The following PACS2 variants were observed in gnomAD, a reference collection of about 807,000 sequenced individuals.
The protein encoded by PACS2 is phosphofurin acidic cluster sorting protein 2.
PACS2 carries 36 observed loss-of-function variants against 113.0 expected under a neutral mutation model. The ratio of observed to expected loss-of-function variants is 0.32; its 90% CI spans 0.24 to 0.42. PACS2 has a LOEUF of 0.42. Among genes scored for constraint, PACS2 ranks in the 10% least tolerant of loss-of-function variants. PACS2 has a pLI of 1.00. For missense variants in PACS2, 1,015 were observed against 1,239.5 expected, an observed-to-expected ratio of 0.82 and a Z score of 2.72; for synonymous variants, 589 against 536.1, an observed-to-expected ratio of 1.10 and a Z score of -1.36.
In PACS2 at chr14:105,394,583, G is replaced by A. The variant is rs1254094658; in HGVS notation, c.2626G>A (p.Val876Ile). 23 of 1,613,176 alleles carry A rather than the reference G, an allele frequency of 1.4e-5. No homozygotes were observed. Among genetic ancestry groups the A allele is most frequent in the African/African-American group, 2.7e-5 (2 of 74,932 alleles). The change falls in exon 25 of 25, where the codon GTC becomes ATC. Residue 876 changes from valine (V) to isoleucine (I), a missense_variant. Val to Ile is a conservative substitution (Grantham distance 29, BLOSUM62 3). Coordinates refer to ENST00000447393, the MANE Select transcript of PACS2 (RefSeq NM_001100913.3). ...CATCGACGGCGTGGAGTGCAGCGACGTCAAGTTCTTCCAGCTGGCCGCGCA... is the reference window on the plus strand; with the variant it reads ...CATCGACGGCGTGGAGTGCAGCGACATCAAGTTCTTCCAGCTGGCCGCGCA... ...VLIDGVECSD[V>I]KFFQLAAQWS...
chr14:105,370,601 C>A (rs1724046287), intron 8 of PACS2: 1 of 152,258 alleles, frequency 6.6e-6, no homozygotes, highest in Non-Finnish European at 1.5e-5. Flanking sequence ...GTAGTCCCAG[C>A]TACTTGGGAG....
chr14:105,375,672 G>A (rs1391671264), intron 8 of PACS2, among the ~76,000 whole-genome samples: 1 of 152,196 alleles, frequency 6.6e-6, no homozygotes, highest in Admixed American at 6.5e-5. Context: ...ACAGGGTGAG[G>A]TGTAACAGCA....
chr14:105,347,479 T>G (rs1321300881), intron 1 of PACS2, among the ~76,000 whole-genome samples: 1 of 152,064 alleles, frequency 6.6e-6, no homozygotes, highest in Non-Finnish European at 1.5e-5. Context: ...TGTTCTGGTG[T>G]TTTACATTCA....
Position 105,389,905 on chromosome 14 carries a change from C to G in PACS2, c.2034-56C>G. On this transcript the variant is annotated intron_variant, in intron 19 of 24. Coordinates refer to ENST00000447393, the MANE Select transcript of PACS2 (RefSeq NM_001100913.3). ...TCTCAGGCCAAGAGGGAGCTGTGCC[C>G]ACCAGGCGGGGCTGTGCCCTGAGGA... The G allele has an allele frequency of 3.3e-6, 5 of 1,507,088 alleles. No homozygotes were observed. In the South Asian group the frequency reaches 5.6e-5, roughly 17 times the overall value. The allele number at this position is 1,507,088 out of a possible 1,614,324, so 93.4% of individuals were successfully genotyped here. A position where few individuals can be genotyped will look rare whatever the true frequency, so the allele number is the denominator to read the frequency against.
intron 1 of PACS2, among the ~76,000 whole-genome samples, chr14:105,345,885 C>T (rs982739779): frequency 3.3e-5 from 5 of 152,186 alleles, no homozygotes; most frequent in Admixed American, 6.5e-5. Context: ...GGAACCAGGA[C>T]GAGGGTCCCT....
chr14:105,355,952 C>T lies in PACS2; in HGVS notation c.423+775C>T, dbSNP rs1555405261. Among the ~76,000 whole-genome samples the T allele has an allele frequency of 1.3e-5, 2 of 152,178 alleles. No individual in the cohort carries two copies. The highest frequency in any genetic ancestry group is 1.3e-4 in the Admixed American group (2 of 15,278). On this transcript the variant is annotated intron_variant, in intron 4 of 24. Transcript: ENST00000447393. This position sits in a 1 kb window ranked among gnomAD's most constrained non-coding sequence, Gnocchi z 4.1. ...ACTTTCCCCATCGTGGGGTTGTGTT[C>T]AGGGGTCCAGGGGCTGCGGGCGTGA...
intron 1 of PACS2, among the ~76,000 whole-genome samples, chr14:105,331,245 G>A (rs1001989584): frequency 2.0e-5 from 3 of 152,156 alleles, no homozygotes; most frequent in Non-Finnish European, 4.4e-5. Flanking sequence ...ATGAGCCACC[G>A]TGCCCAGCCT....
chr14:105,367,646 C>A (rs1489319975), intron 5 of PACS2, among the ~76,000 whole-genome samples: 1 of 152,250 alleles, frequency 6.6e-6, no homozygotes, highest in African/African-American at 2.4e-5. Context: ...GGTGTGGGGT[C>A]GCACTGTGAT....
chr14:105,343,174 G>T (rs1489681236), intron 1 of PACS2, among the ~76,000 whole-genome samples: 8 of 152,158 alleles, frequency 5.3e-5, no homozygotes, highest in Admixed American at 5.2e-4. Flanking sequence ...TGACACGGGC[G>T]TCTCTCACTC....
In PACS2 at chr14:105,348,251, G is replaced by A. The variant is rs1222001727; in HGVS notation, c.120-242G>A. Among the ~76,000 whole-genome samples the A allele has an allele frequency of 3.9e-5, 6 of 152,196 alleles. No individual in the cohort carries two copies. The highest frequency in any genetic ancestry group is 8.8e-5 in the Non-Finnish European group (6 of 68,022). On this transcript the variant is annotated intron_variant, in intron 1 of 24. Coordinates refer to ENST00000447393, the MANE Select transcript of PACS2 (RefSeq NM_001100913.3). The surrounding 1 kb of genome is among the most constrained non-coding windows in gnomAD (Gnocchi z 6.4). ...ATGGGAGGGAGGCTCACCCTCAGGG[G>A]CCTTCAGGAGATGGGACCTCTGGCC...
Position 105,348,758 on chromosome 14 carries a change from T to TCC in PACS2, c.207+180_207+181dup, listed in dbSNP as rs1282958401. ...CAGGATGCTCCTGGGTCCAGTCCTG[T>TCC]CCCGCACAAGGGAGGCAGGCCCGGC... On this transcript the variant is annotated intron_variant, in intron 2 of 24. Coordinates refer to ENST00000447393, the MANE Select transcript of PACS2 (RefSeq NM_001100913.3). This position sits in a 1 kb window ranked among gnomAD's most constrained non-coding sequence, Gnocchi z 6.4. 8 of 600,072 alleles carry TCC rather than the reference T, an allele frequency of 1.3e-5. No homozygotes were observed. The highest frequency in any genetic ancestry group is 3.7e-5 in the African/African-American group (2 of 53,374). The allele number at this position is 600,072 out of a possible 1,614,324, so 37.2% of individuals were successfully genotyped here. A position where few individuals can be genotyped will look rare whatever the true frequency, so the allele number is the denominator to read the frequency against.
chr14:105,318,474 A>C (rs932557335), intron 1 of PACS2, among the ~76,000 whole-genome samples: 2 of 151,824 alleles, frequency 1.3e-5, no homozygotes, highest in Admixed American at 6.6e-5. Context: ...TGTTTTTTTG[A>C]GACAGAGTCT....
rs1447645615 is a variant in PACS2, at chr14:105,365,341, G to GCA, written c.424-1872_424-1871insCA. Among the ~76,000 whole-genome samples the GCA allele has an allele frequency of 6.6e-6, 1 of 152,212 alleles. No individual in the cohort carries two copies. Among genetic ancestry groups the GCA allele is most frequent in the Non-Finnish European group, 1.5e-5 (1 of 68,020 alleles). On this transcript the variant is annotated intron_variant, in intron 4 of 24. Transcript: ENST00000447393. The surrounding 1 kb of genome is among the most constrained non-coding windows in gnomAD (Gnocchi z 5.1). The stretch of plus-strand genomic sequence containing the variant: ...GGAGGAGAGGAACATGCAGCCTGGA[G>GCA]TGTCGGGGCCTGGGACTTCCAGGGC...
At chr14:105,318,584 G>A (rs984313950) in intron 1 of PACS2, among the ~76,000 whole-genome samples, 2 of 151,864 alleles carry the variant, frequency 1.3e-5, no homozygotes, top group Non-Finnish European at 2.9e-5. Context: ...CAAGTAGCTA[G>A]GACTACAGGC....
chr14:105,322,758 A>G (rs1566901574), intron 1 of PACS2, among the ~76,000 whole-genome samples: 1 of 152,166 alleles, frequency 6.6e-6, no homozygotes, highest in African/African-American at 2.4e-5. Context: ...GTGATATTTG[A>G]TGAGCTTCAA....
intron 4 of PACS2, among the ~76,000 whole-genome samples, chr14:105,363,520 C>T (rs1237523476): frequency 6.6e-6 from 1 of 152,224 alleles, no homozygotes; most frequent in Non-Finnish European, 1.5e-5. Context: ...CTGCAGCCTC[C>T]TCGCCTCTCT....
intron 19 of PACS2, chr14:105,389,697 A>G (rs1325002360): frequency 2.1e-5 from 11 of 531,082 alleles, no homozygotes; most frequent in Non-Finnish European, 3.8e-5. Flanking sequence ...CCTCCTGACC[A>G]TGGGTGCACA....
At chr14:105,333,807 G>A (rs587601184) in intron 1 of PACS2, among the ~76,000 whole-genome samples, 1 of 152,350 alleles carries the variant, frequency 6.6e-6, no homozygotes, top group East Asian at 1.9e-4. Context: ...CCATGGCAGG[G>A]CTGCCCAGGA....
At chr14:105,320,422 T>A (rs1409716138) in intron 1 of PACS2, among the ~76,000 whole-genome samples, 1 of 152,128 alleles carries the variant, frequency 6.6e-6, no homozygotes, top group Non-Finnish European at 1.5e-5. Context: ...TAGGCTGGAG[T>A]GCAGTGGTGT....
Sources: gnomAD v4.1 joint callset for allele counts (sites outside exome capture counted in the v4.1 genomes callset) on GRCh38, gnomAD v4.1.1 for gene constraint, Gnocchi (gnomAD v3.1) non-coding constraint, MANE v1.5 for transcripts, NCBI Gene and HGNC (gene_info 2026-07-23, HGNC 2026-07-21) for gene names.